PDS5A: variants seen among roughly 807,000 people sequenced by gnomAD.
PDS5A encodes the protein PDS5 cohesin associated factor A.
A neutral mutation model predicts 167.1 loss-of-function variants in PDS5A; 42 were observed. That is an observed-to-expected ratio of 0.25 (90% confidence interval 0.20 to 0.33). The LOEUF (loss-of-function observed/expected upper bound fraction) is 0.33, where lower values mean the gene tolerates loss of function less well. Ranked by LOEUF, PDS5A falls within the 10% of genes least tolerant of loss-of-function variation. The pLI is 1.00. For synonymous variants in PDS5A, 553 were observed against 554.6 expected, an observed-to-expected ratio of 1.00 and a Z score of 0.04; for missense variants, 1,033 against 1,605.9, an observed-to-expected ratio of 0.64 and a Z score of 6.10.
At chr4:39,876,197 G>A (rs1271233296) in intron 19 of PDS5A, among the ~76,000 whole-genome samples, 2 of 152,010 alleles carry the variant, frequency 1.3e-5, no homozygotes, top group Non-Finnish European at 2.9e-5. Context: ...ATCCTATTGT[G>A]TCAGTGATCT....
chr4:39,957,786 C>CAAAAAA (rs34253629), intron 2 of PDS5A, among the ~76,000 whole-genome samples: 6 of 87,792 alleles, frequency 6.8e-5, no homozygotes, highest in East Asian at 3.3e-4. Context: ...GACTCCATCT[C>CAAAAAA]AAAAAAAAAA....
chr4:39,879,032 G>A (rs983049987), intron 18 of PDS5A, among the ~76,000 whole-genome samples: 5 of 152,198 alleles, frequency 3.3e-5, no homozygotes, highest in Non-Finnish European at 5.9e-5. Flanking sequence ...ATGAGCTGCC[G>A]AGCCCAGCTG....
At chr4:39,924,512 C>T (rs1725281283) in intron 5 of PDS5A, among the ~76,000 whole-genome samples, 3 of 152,172 alleles carry the variant, frequency 2.0e-5, no homozygotes, top group Non-Finnish European at 4.4e-5. Context: ...ATGTCTAATC[C>T]TACCATTCCA....
Position 39,941,504 on chromosome 4 carries a change from G to A in PDS5A, c.139-13340C>T, listed in dbSNP as rs577739787. 2.8e-4 allele frequency among the ~76,000 whole-genome samples: 42 copies of A among 152,174 alleles called. 1 individual carries two copies. The South Asian group carries it at 7.7e-3, about 28-fold the overall frequency. On this transcript the variant is annotated intron_variant, in intron 2 of 32. Transcript: ENST00000303538. ...TCTTTGCAGCTTCCTTTCCTATTTCGTACTATTATTTGTAACATAGCCCTT... is the reference window on the plus strand; with the variant it reads ...TCTTTGCAGCTTCCTTTCCTATTTCATACTATTATTTGTAACATAGCCCTT...
intron 2 of PDS5A, among the ~76,000 whole-genome samples, chr4:39,972,892 T>C (rs1398726158): frequency 1.3e-5 from 2 of 148,546 alleles, no homozygotes; most frequent in African/African-American, 4.8e-5. Context: ...GTCTTTATAT[T>C]TTATTATTTT....
chr4:39,882,449 G>A (rs1320665330), intron 17 of PDS5A, among the ~76,000 whole-genome samples: 2 of 152,140 alleles, frequency 1.3e-5, no homozygotes, highest in Non-Finnish European at 2.9e-5. Context: ...GTATTTTAAA[G>A]ATTCATTCAA....
chr4:39,911,156 G>T (rs1198871052), intron 9 of PDS5A, among the ~76,000 whole-genome samples: 1 of 152,064 alleles, frequency 6.6e-6, no homozygotes, highest in Non-Finnish European at 1.5e-5. Context: ...AGGTTTATAT[G>T]AGACAAACAC....
chr4:39,885,246 T>TAAAAA (rs34192127), intron 17 of PDS5A, among the ~76,000 whole-genome samples: 2 of 110,336 alleles, frequency 1.8e-5, no homozygotes, highest in Non-Finnish European at 3.6e-5. Flanking sequence ...GATTCCTTCT[T>TAAAAA]AAAAAAAAAA....
Position 39,833,064 on chromosome 4 carries a change from G to A in PDS5A, c.4010+4792C>T, listed in dbSNP as rs369074478. ...AAATTAGCTGGGTGTGGTGGCGGGC[G>A]CCTGTAATCCCAGATACTAGGGAGG... On this transcript the variant is annotated intron_variant, in intron 32 of 32. Transcript: ENST00000303538. Among the ~76,000 whole-genome samples the A allele has an allele frequency of 8.6e-4, 129 of 149,156 alleles. 2 individuals are homozygous for A. Among genetic ancestry groups the A allele is most frequent in the East Asian group, 1.8e-3 (9 of 5,124 alleles).
chr4:39,839,758 G>GA (rs1560416590), intron 31 of PDS5A, among the ~76,000 whole-genome samples: 1 of 119,800 alleles, frequency 8.3e-6, no homozygotes. Flanking sequence ...TGATTCTGGG[G>GA]GGGGGGGGCA....
intron 2 of PDS5A, among the ~76,000 whole-genome samples, chr4:39,936,602 T>A (rs1726635840): frequency 1.3e-5 from 2 of 151,572 alleles, no homozygotes; most frequent in South Asian, 2.1e-4. Flanking sequence ...TAATTTTTTT[T>A]ATTTTTAGTA....
At chr4:39,946,865 A>C (rs1394250417) in intron 2 of PDS5A, among the ~76,000 whole-genome samples, 4 of 152,144 alleles carry the variant, frequency 2.6e-5, no homozygotes, top group African/African-American at 4.8e-5. Flanking sequence ...GTGAGCCAAG[A>C]TTGCACCACT....
intron 2 of PDS5A, among the ~76,000 whole-genome samples, chr4:39,929,929 T>G (rs1286277732): frequency 3.3e-5 from 5 of 149,458 alleles, no homozygotes; most frequent in African/African-American, 4.9e-5. Context: ...AAAAAAAATT[T>G]GGGGGGCCGG....
chr4:39,864,157 A>G (rs1028416749), intron 23 of PDS5A, among the ~76,000 whole-genome samples: 1 of 151,770 alleles, frequency 6.6e-6, no homozygotes, highest in Middle Eastern at 3.2e-3. Flanking sequence ...AAAACAAAAA[A>G]CAAAAAAACT....
chr4:39,826,069 C>T (rs1715278035), intron 32 of PDS5A, among the ~76,000 whole-genome samples: 2 of 152,092 alleles, frequency 1.3e-5, no homozygotes, highest in African/African-American at 4.8e-5. Flanking sequence ...ACATTAAAAG[C>T]TATTTATCAT....
intron 19 of PDS5A, among the ~76,000 whole-genome samples, chr4:39,875,861 G>GTAT (rs555325441): frequency 2.0e-5 from 3 of 151,870 alleles, no homozygotes; most frequent in East Asian, 3.8e-4. Flanking sequence ...GTTGTTAAAT[G>GTAT]TATTATTATT....
intron 8 of PDS5A, 42 bp downstream of exon 8, chr4:39,917,006 C>CA (rs1169008402): frequency 7.1e-6 from 9 of 1,262,066 alleles, no homozygotes; most frequent in Middle Eastern, 2.5e-4. Context: ...GCTCTAGAAA[C>CA]AAAAAAATTA....
chr4:39,976,988 C>T (rs1055877694), intron 1 of PDS5A, among the ~76,000 whole-genome samples: 2 of 152,320 alleles, frequency 1.3e-5, no homozygotes, highest in Middle Eastern at 6.8e-3. Flanking sequence ...CAGTCCCGCC[C>T]GGCCAGTCCC....
chr4:39,947,192 G>A (rs1459717487), intron 2 of PDS5A, among the ~76,000 whole-genome samples: 19 of 152,252 alleles, frequency 1.2e-4, no homozygotes, highest in Admixed American at 1.2e-3. Flanking sequence ...GGTGGTTCAC[G>A]CCTGTAATCC....
Sources: gnomAD v4.1 joint callset for allele counts (sites outside exome capture counted in the v4.1 genomes callset) on GRCh38, gnomAD v4.1.1 for gene constraint, MANE v1.5 for transcripts, NCBI Gene and HGNC (gene_info 2026-07-23, HGNC 2026-07-21) for gene names.